Variants in PLEKHA6 observed in about 807,000 individuals in gnomAD.
PLEKHA6 encodes the protein pleckstrin homology domain-containing family A member 6.
PLEKHA6 carries 60 observed loss-of-function variants against 116.7 expected under a neutral mutation model. The observed-to-expected ratio is 0.51, with a 90% CI of 0.42 to 0.64. PLEKHA6 has a LOEUF of 0.64. Ranked by LOEUF, PLEKHA6 falls within the 30% of genes least tolerant of loss-of-function variation. The pLI, the probability that PLEKHA6 is intolerant of heterozygous loss-of-function variation, is 0.00. For missense variants in PLEKHA6, 1,338 were observed against 1,422.7 expected, an observed-to-expected ratio of 0.94 and a Z score of 0.96; for synonymous variants, 489 against 556.1, an observed-to-expected ratio of 0.88 and a Z score of 1.70.
chr1:204,249,393 G>C (rs1664240424), intron 10 of PLEKHA6, 129 bp from the exon 11 acceptor site: 1 of 678,482 alleles, frequency 1.5e-6, no homozygotes, highest in African/African-American at 1.8e-5. Context: ...AGGAACCCTG[G>C]GCCTTCACCT....
chr1:204,341,726 C>T (rs1354445465), intron 1 of PLEKHA6, among the ~76,000 whole-genome samples: 1 of 152,150 alleles, frequency 6.6e-6, no homozygotes, highest in African/African-American at 2.4e-5. Flanking sequence ...ATTCCATATA[C>T]TGGAATCATA....
chr1:204,292,181 T>C (rs187804271), intron 1 of PLEKHA6, among the ~76,000 whole-genome samples: 6 of 152,348 alleles, frequency 3.9e-5, no homozygotes, highest in African/African-American at 1.4e-4. Context: ...GGATTATTTG[T>C]TCTATGACAG....
At chr1:204,335,689 A>G (rs567529120) in intron 1 of PLEKHA6, among the ~76,000 whole-genome samples, 3 of 152,126 alleles carry the variant, frequency 2.0e-5, no homozygotes, top group African/African-American at 7.2e-5. Flanking sequence ...AAGCAGACAG[A>G]CAAGGAGTCA....
chr1:204,250,207 T>C (rs2102655582), intron 10 of PLEKHA6, among the ~76,000 whole-genome samples: 1 of 152,302 alleles, frequency 6.6e-6, no homozygotes, highest in South Asian at 2.1e-4. Flanking sequence ...GACTGACTGA[T>C]CTATCTCCCA....
At chr1:204,350,319 T>TCAAAAA (rs1416580650) in intron 1 of PLEKHA6, among the ~76,000 whole-genome samples, 1 of 152,142 alleles carries the variant, frequency 6.6e-6, no homozygotes, top group African/African-American at 2.4e-5. Flanking sequence ...AGACCGTGTC[T>TCAAAAA]CAAAAACAAA....
chr1:204,346,644 A>G (rs1390349612), intron 1 of PLEKHA6: 1 of 648,360 alleles, frequency 1.5e-6, no homozygotes, highest in Non-Finnish European at 2.7e-6. Context: ...TCACTTCCCA[A>G]TGTGGCCATG....
chr1:204,359,565 A>G, intron 1 of PLEKHA6, 129 bp downstream of exon 1: 1 of 977,058 alleles, frequency 1.0e-6, no homozygotes, highest in South Asian at 4.7e-5. Flanking sequence ...AGGATGAGAG[A>G]TGGGGAAGCC....
At chr1:204,224,084 T>C (rs562631248) in intron 21 of PLEKHA6, among the ~76,000 whole-genome samples, 2 of 152,160 alleles carry the variant, frequency 1.3e-5, no homozygotes, top group Admixed American at 6.5e-5. Context: ...TCTAATAAAC[T>C]TAAAGCGAGT....
At chr1:204,244,159 G>A (rs1280378368) in intron 15 of PLEKHA6, among the ~76,000 whole-genome samples, 1 of 151,506 alleles carries the variant, frequency 6.6e-6, no homozygotes, top group Non-Finnish European at 1.5e-5. Context: ...TTGAGATGGA[G>A]TCTCCCTCTG....
chr1:204,281,490 A>C (rs1386616405), intron 1 of PLEKHA6, among the ~76,000 whole-genome samples: 1 of 152,000 alleles, frequency 6.6e-6, no homozygotes, highest in East Asian at 1.9e-4. Context: ...GCGCCACTGC[A>C]CTCCAGCCTG....
intron 1 of PLEKHA6, among the ~76,000 whole-genome samples, chr1:204,324,547 A>C (rs1392683315): frequency 6.6e-6 from 1 of 152,202 alleles, no homozygotes; most frequent in Non-Finnish European, 1.5e-5. Flanking sequence ...AACCAAATGA[A>C]GAGAACTTAG....
At chr1:204,275,544 G>A (rs1339397547) in intron 1 of PLEKHA6, 1 of 205,950 alleles carries the variant, frequency 4.9e-6, no homozygotes, top group Non-Finnish European at 8.5e-6. Flanking sequence ...GGGTTGGGGG[G>A]TGGGGGGTAG....
At chr1:204,375,269 TAGAC>T (rs956412158) in intron 1 of PLEKHA6, among the ~76,000 whole-genome samples, 3 of 152,240 alleles carry the variant, frequency 2.0e-5, no homozygotes, top group African/African-American at 7.2e-5. Flanking sequence ...AGTTGTCTGT[TAGAC>T]AGCATCTCCT....
At chr1:204,225,637 C>T (rs1660243313) in intron 21 of PLEKHA6, among the ~76,000 whole-genome samples, 1 of 152,228 alleles carries the variant, frequency 6.6e-6, no homozygotes, top group Non-Finnish European at 1.5e-5. Flanking sequence ...CATTCATAAA[C>T]ACCACCTCCA....
intron 1 of PLEKHA6, among the ~76,000 whole-genome samples, chr1:204,354,284 G>C (rs1673360343): frequency 6.6e-6 from 1 of 152,182 alleles, no homozygotes; most frequent in African/African-American, 2.4e-5. Flanking sequence ...TGAAGCCTCA[G>C]CACTGATGCA....
At chr1:204,360,156 C>A (rs1673527003), upstream of PLEKHA6, among the ~76,000 whole-genome samples, 1 of 152,210 alleles carries the variant, frequency 6.6e-6, no homozygotes, top group Non-Finnish European at 1.5e-5. Flanking sequence ...AGAAGGCTGC[C>A]CCCCAAAGGG....
intron 1 of PLEKHA6, among the ~76,000 whole-genome samples, chr1:204,328,651 G>T (rs1289328694): frequency 3.9e-5 from 6 of 152,200 alleles, no homozygotes; most frequent in African/African-American, 1.4e-4. Context: ...CTCCCAAAGT[G>T]CTGGGATTAC....
chr1:204,261,637 T>C lies in PLEKHA6; in HGVS notation c.382-189A>G. On this transcript the variant is annotated intron_variant, in intron 6 of 22. Transcript: ENST00000272203. This position sits in a 1 kb window ranked among gnomAD's most constrained non-coding sequence, Gnocchi z 4.0. ...GGCAGCTTGCAGCTACCCCGAGGGT[T>C]CCAGCTGGTACCCACGTATCCACCT... The C allele has an allele frequency of 1.6e-6, 1 of 619,038 alleles. No homozygotes were observed. The allele number at this position is 619,038 out of a possible 1,614,324, so 38.3% of individuals were successfully genotyped here.
At chr1:204,335,199 A>G (rs1368233197) in intron 1 of PLEKHA6, among the ~76,000 whole-genome samples, 1 of 152,020 alleles carries the variant, frequency 6.6e-6, no homozygotes, top group Non-Finnish European at 1.5e-5. Flanking sequence ...TAACCTGCAG[A>G]TAACAAACCC....
Sources: gnomAD v4.1 joint callset for allele counts (sites outside exome capture counted in the v4.1 genomes callset) on GRCh38, gnomAD v4.1.1 for gene constraint, Gnocchi (gnomAD v3.1) non-coding constraint, MANE v1.5 for transcripts, NCBI Gene and HGNC (gene_info 2026-07-23, HGNC 2026-07-21) for gene names.